SLCO3A1: variants seen among roughly 807,000 people sequenced by gnomAD.
The protein encoded by SLCO3A1 is solute carrier organic anion transporter family member 3A1, also known as PGE1 transporter.
Under a neutral mutation model 63.1 loss-of-function variants are expected in SLCO3A1, and 27 were observed. The ratio of observed to expected loss-of-function variants is 0.43; its 90% CI spans 0.32 to 0.59. The LOEUF (loss-of-function observed/expected upper bound fraction) is 0.59, where lower values mean the gene tolerates loss of function less well. Ranked by LOEUF, SLCO3A1 falls within the 20% of genes least tolerant of loss-of-function variation. SLCO3A1 has a pLI of 0.09. For synonymous variants in SLCO3A1, 473 were observed against 409.9 expected (o/e 1.15, Z -1.86); for missense variants, 773 against 945.8 (o/e 0.82, Z 2.40).
Position 92,164,301 on chromosome 15 carries a change from T to C in SLCO3A1, c.*1166T>C. On this transcript the variant is annotated 3_prime_UTR_variant, in exon 10 of 10. Coordinates refer to ENST00000318445, the MANE Select transcript of SLCO3A1 (RefSeq NM_013272.4). ...ATTCTACAAAAACAAGAATATACAATGTGTTACAAGAAGAAAAAAAAATGC... is the reference window on the plus strand; with the variant it reads ...ATTCTACAAAAACAAGAATATACAACGTGTTACAAGAAGAAAAAAAAATGC... 3 of 984,534 alleles carry C rather than the reference T, an allele frequency of 3.0e-6. No individual in the cohort carries two copies. Among genetic ancestry groups the C allele is most frequent in the Non-Finnish European group, 3.6e-6 (3 of 829,148 alleles). The allele number at this position is 984,534 out of a possible 1,614,324, so 61.0% of individuals were successfully genotyped here. A position where few individuals can be genotyped will look rare whatever the true frequency, so the allele number is the denominator to read the frequency against.
chr15:91,996,788 A>G (rs368473632), intron 2 of SLCO3A1, among the ~76,000 whole-genome samples: 10 of 152,304 alleles, frequency 6.6e-5, no homozygotes, highest in African/African-American at 1.7e-4. Flanking sequence ...TAGCAAATGA[A>G]AGGGACAAAA....
At chr15:92,152,211 C>T (rs184534917) in intron 9 of SLCO3A1, among the ~76,000 whole-genome samples, 38 of 152,122 alleles carry the variant, frequency 2.5e-4, no homozygotes, top group African/African-American at 7.0e-4. Context: ...TTTTATATAC[C>T]GATATATGAA....
chr15:92,037,684 G>A (rs1164168682), intron 2 of SLCO3A1, among the ~76,000 whole-genome samples: 1 of 152,196 alleles, frequency 6.6e-6, no homozygotes, highest in Non-Finnish European at 1.5e-5. Flanking sequence ...TCACTGTCAA[G>A]CCAACTGTGT....
chr15:92,008,748 A>G (rs1447666368), intron 2 of SLCO3A1, among the ~76,000 whole-genome samples: 1 of 152,224 alleles, frequency 6.6e-6, no homozygotes, highest in Non-Finnish European at 1.5e-5. Context: ...AAATGTGATT[A>G]TTACGCCTAG....
chr15:92,124,011 C>T (rs964593049), intron 5 of SLCO3A1, among the ~76,000 whole-genome samples: 5 of 152,306 alleles, frequency 3.3e-5, no homozygotes, highest in Middle Eastern at 3.4e-3. Flanking sequence ...CCCTTGGTGA[C>T]AGTCTAGTCA....
intron 2 of SLCO3A1, among the ~76,000 whole-genome samples, chr15:92,071,351 G>A (rs74632344): frequency 2.5e-4 from 38 of 152,330 alleles, no homozygotes; most frequent in East Asian, 1.2e-3. Flanking sequence ...CACCATCCTC[G>A]CATTTGGCAG....
chr15:92,090,330 C>G (rs1382607933), intron 2 of SLCO3A1, among the ~76,000 whole-genome samples: 15 of 152,210 alleles, frequency 9.9e-5, no homozygotes. Context: ...TCAAGATATT[C>G]TGCCTTACCC....
At chr15:91,901,451 A>G (rs1206798673) in intron 1 of SLCO3A1, among the ~76,000 whole-genome samples, 1 of 152,196 alleles carries the variant, frequency 6.6e-6, no homozygotes, top group East Asian at 1.9e-4. Flanking sequence ...ATTAATGTAT[A>G]TCTTAGTGTA....
intron 7 of SLCO3A1, among the ~76,000 whole-genome samples, chr15:92,145,110 G>A (rs2048203430): frequency 6.6e-6 from 1 of 152,186 alleles, no homozygotes; most frequent in Non-Finnish European, 1.5e-5. Flanking sequence ...TGTGCTCCTG[G>A]GAGCTCCGGG....
intron 1 of SLCO3A1, among the ~76,000 whole-genome samples, chr15:91,896,832 A>C (rs565153641): frequency 6.6e-6 from 1 of 152,328 alleles, no homozygotes; most frequent in South Asian, 2.1e-4. Context: ...GGTGAGTCTT[A>C]TGTAAGATGT....
chr15:92,130,884 GC>G (rs1427253316), intron 7 of SLCO3A1, among the ~76,000 whole-genome samples: 4,079 of 107,126 alleles, frequency 0.038, 216 homozygotes, highest in African/African-American at 0.13. Context: ...CAAGTTCGGG[GC>G]AAAAAAAAAA....
chr15:92,145,781 G>A (rs1420270160), intron 7 of SLCO3A1, among the ~76,000 whole-genome samples: 3 of 152,178 alleles, frequency 2.0e-5, no homozygotes, highest in Non-Finnish European at 2.9e-5. Context: ...CACCTGCTCT[G>A]GGCAGACACT....
At chr15:92,043,380 C>A (rs1411463913) in intron 2 of SLCO3A1, among the ~76,000 whole-genome samples, 1 of 152,196 alleles carries the variant, frequency 6.6e-6, no homozygotes, top group African/African-American at 2.4e-5. Flanking sequence ...TTAAACATCA[C>A]ACAGTGCAGG....
rs991212571 is a variant in SLCO3A1, at chr15:91,902,621, G to C, written c.181-13372G>C. ...ACTGATCTATCCAGAAGTTTTAAAT[G>C]AATTAGTGCTCCTCAGTTTGTTGTA... On this transcript the variant is annotated intron_variant, in intron 1 of 9. Coordinates refer to ENST00000318445, the MANE Select transcript of SLCO3A1 (RefSeq NM_013272.4). Among the ~76,000 whole-genome samples, 7 of 152,064 alleles carry C rather than the reference G, an allele frequency of 4.6e-5. No individual in the cohort carries two copies. In the South Asian group the frequency reaches 1.0e-3, roughly 23 times the overall value.
At chr15:91,904,261 G>A (rs1898236970) in intron 1 of SLCO3A1, among the ~76,000 whole-genome samples, 1 of 152,178 alleles carries the variant, frequency 6.6e-6, no homozygotes, top group Non-Finnish European at 1.5e-5. Context: ...TATCAGTATA[G>A]CATTTTTAGC....
intron 1 of SLCO3A1, among the ~76,000 whole-genome samples, chr15:91,891,810 C>T (rs972712023): frequency 5.3e-5 from 8 of 152,176 alleles, no homozygotes; most frequent in Admixed American, 3.9e-4. Flanking sequence ...AAACTTACCA[C>T]GTAAAGAGCT....
At chr15:92,060,856 A>G (rs1432648811) in intron 2 of SLCO3A1, among the ~76,000 whole-genome samples, 3 of 152,208 alleles carry the variant, frequency 2.0e-5, no homozygotes, top group African/African-American at 4.8e-5. Context: ...TTTGTTAAAA[A>G]CTAAGATAAA....
chr15:91,990,396 A>C (rs2046111493), intron 2 of SLCO3A1, among the ~76,000 whole-genome samples: 1 of 152,082 alleles, frequency 6.6e-6, no homozygotes, highest in Non-Finnish European at 1.5e-5. Context: ...TTCTCTGGGA[A>C]GCCTGGTTTC....
chr15:91,994,309 A>G, intron 2 of SLCO3A1, among the ~76,000 whole-genome samples: 1 of 152,216 alleles, frequency 6.6e-6, no homozygotes, highest in South Asian at 2.1e-4. Context: ...GATTATATTT[A>G]CTTTTTAAAA....
Sources: allele counts gnomAD v4.1 joint callset (sites outside exome capture counted in the v4.1 genomes callset), GRCh38; gene constraint gnomAD v4.1.1; transcripts MANE v1.5; gene names NCBI Gene and HGNC (gene_info 2026-07-23, HGNC 2026-07-21).